The following MYO1E variants were observed in gnomAD, a reference collection of about 807,000 sequenced individuals.
The protein encoded by MYO1E is unconventional myosin-Ie.
A neutral mutation model predicts 151.1 loss-of-function variants in MYO1E; 68 were observed. The observed-to-expected ratio is 0.45, with a 90% CI of 0.37 to 0.55. MYO1E has a LOEUF of 0.55. Ranked by LOEUF, MYO1E falls within the 20% of genes least tolerant of loss-of-function variation. The pLI, the probability that MYO1E is intolerant of heterozygous loss-of-function variation, is 0.00. For synonymous variants in MYO1E, 601 were observed against 501.7 expected, an observed-to-expected ratio of 1.20 and a Z score of -2.64; for missense variants, 1,363 against 1,389.3, an observed-to-expected ratio of 0.98 and a Z score of 0.30.
intron 1 of MYO1E, among the ~76,000 whole-genome samples, chr15:59,324,372 T>A (rs1446555804): frequency 6.6e-6 from 1 of 152,178 alleles, no homozygotes; most frequent in African/African-American, 2.4e-5. Context: ...CCCTCGCCTA[T>A]GAGCAACACA....
At chr15:59,140,888 C>T (rs1471672160) in intron 26 of MYO1E, among the ~76,000 whole-genome samples, 1 of 152,158 alleles carries the variant, frequency 6.6e-6, no homozygotes, top group East Asian at 1.9e-4. Flanking sequence ...ACCACCACCA[C>T]CCCCCTGCAC....
intron 9 of MYO1E, among the ~76,000 whole-genome samples, chr15:59,221,179 G>A (rs1346212835): frequency 1.3e-5 from 2 of 151,430 alleles, no homozygotes; most frequent in Non-Finnish European, 2.9e-5. Context: ...CCTGGCTAAT[G>A]TTTGTATTTT....
At chr15:59,215,719 C>T (rs2079909451) in intron 10 of MYO1E, among the ~76,000 whole-genome samples, 1 of 152,092 alleles carries the variant, frequency 6.6e-6, no homozygotes, top group African/African-American at 2.4e-5. Flanking sequence ...CCCAGTAAAT[C>T]CCACCTCAAA....
At chr15:59,172,135 T>A (rs2079599127) in intron 21 of MYO1E, 93 bp from the exon 22 acceptor site, 5 of 1,413,720 alleles carry the variant, frequency 3.5e-6, no homozygotes, top group South Asian at 1.2e-5. Context: ...GGCGGGTGAA[T>A]CACCTGAGGT....
intron 7 of MYO1E, 101 bp from the exon 8 acceptor site, chr15:59,224,924 T>C: frequency 1.3e-6 from 2 of 1,516,696 alleles, no homozygotes; most frequent in East Asian, 2.3e-5. Flanking sequence ...TTTCTATCTC[T>C]GCTTTCTAAA....
At chr15:59,303,168 G>C (rs28377142) in intron 1 of MYO1E, among the ~76,000 whole-genome samples, 22,203 of 152,176 alleles carry the variant, frequency 0.15, 2,501 homozygotes, top group African/African-American at 0.31. Flanking sequence ...TTGATTGTTA[G>C]AATTAGATGT....
intron 1 of MYO1E, among the ~76,000 whole-genome samples, chr15:59,330,946 A>C (rs146827186): frequency 3.8e-4 from 58 of 151,998 alleles, no homozygotes; most frequent in African/African-American, 1.3e-3. Context: ...ACTTTTTAAA[A>C]ATCTGCGGAG....
intron 21 of MYO1E, 139 bp downstream of exon 21, chr15:59,173,607 C>G (rs1324582240): frequency 2.1e-6 from 2 of 974,450 alleles, no homozygotes. Context: ...GCCTGTTTAT[C>G]TTTTGGTTTA....
chr15:59,231,258 A>C (rs1004123720), intron 6 of MYO1E, among the ~76,000 whole-genome samples: 14 of 152,222 alleles, frequency 9.2e-5, no homozygotes, highest in Admixed American at 7.2e-4. Context: ...TTTCTCTCCA[A>C]GGTGCCAGAT....
At chr15:59,161,983 G>T (rs572799960) in intron 23 of MYO1E, among the ~76,000 whole-genome samples, 1 of 152,298 alleles carries the variant, frequency 6.6e-6, no homozygotes, top group Non-Finnish European at 1.5e-5. Flanking sequence ...GCTAGGAAAA[G>T]ATGGAGGATA....
chr15:59,162,648 GAAAAAAAAAAGAAAA>G (rs2079544249), intron 23 of MYO1E, among the ~76,000 whole-genome samples: 1 of 65,186 alleles, frequency 1.5e-5, no homozygotes, highest in African/African-American at 5.2e-5. Flanking sequence ...GCCATCTCAA[GAAAAAAAAAAGAAAA>G]AAAAAAAAAA....
chr15:59,183,516 G>T (rs543937353), intron 18 of MYO1E, among the ~76,000 whole-genome samples: 1 of 152,106 alleles, frequency 6.6e-6, no homozygotes, highest in South Asian at 2.1e-4. Flanking sequence ...GTTTTTTTTG[G>T]GGGGTGGATA....
intron 14 of MYO1E, 75 bp from the exon 15 acceptor site, chr15:59,205,560 A>G: frequency 7.5e-7 from 1 of 1,325,592 alleles, no homozygotes; most frequent in Non-Finnish European, 1.1e-6. Context: ...TTATTGAACA[A>G]AAAATCTAAT....
At chr15:59,213,378 C>T (rs974247480) in intron 12 of MYO1E, among the ~76,000 whole-genome samples, 2 of 151,970 alleles carry the variant, frequency 1.3e-5, no homozygotes, top group South Asian at 2.1e-4. Flanking sequence ...ATCATGTTGG[C>T]CAGGCTGGTC....
intron 1 of MYO1E, among the ~76,000 whole-genome samples, chr15:59,291,867 A>G (rs1248422569): frequency 1.3e-5 from 2 of 152,026 alleles, no homozygotes; most frequent in Non-Finnish European, 2.9e-5. Context: ...GACAACAAAG[A>G]AAAGTTGTTT....
chr15:59,226,803 T>C (rs963867502), intron 7 of MYO1E, among the ~76,000 whole-genome samples: 2 of 152,084 alleles, frequency 1.3e-5, no homozygotes, highest in African/African-American at 4.8e-5. Context: ...CAAGACACTG[T>C]CTCAAATAAA....
chr15:59,262,865 A>G (rs1461586129), intron 2 of MYO1E, among the ~76,000 whole-genome samples: 1 of 152,190 alleles, frequency 6.6e-6, no homozygotes, highest in Admixed American at 6.5e-5. Context: ...AATATTTCCA[A>G]TTATTCATTC....
At chr15:59,225,685 C>T (rs1424328092) in intron 7 of MYO1E, among the ~76,000 whole-genome samples, 2 of 142,564 alleles carry the variant, frequency 1.4e-5, no homozygotes, top group Admixed American at 7.4e-5. Flanking sequence ...CTCACTCTGT[C>T]GCCCAGGCTG....
chr15:59,155,138 C>T (rs1293839232), intron 25 of MYO1E, among the ~76,000 whole-genome samples: 1 of 152,068 alleles, frequency 6.6e-6, no homozygotes, highest in Non-Finnish European at 1.5e-5. Context: ...GACATGCCCT[C>T]GGGATGTCAC....
Sources: gnomAD v4.1 joint callset for allele counts (sites outside exome capture counted in the v4.1 genomes callset) on GRCh38, gnomAD v4.1.1 for gene constraint, MANE v1.5 for transcripts, NCBI Gene and HGNC (gene_info 2026-07-23, HGNC 2026-07-21) for gene names.